The following CAMSAP1 variants were observed in gnomAD, a reference collection of about 807,000 sequenced individuals.
The protein encoded by CAMSAP1 is calmodulin regulated spectrin associated protein 1.
Under a neutral mutation model 143.5 loss-of-function variants are expected in CAMSAP1, and 58 were observed. The observed-to-expected ratio is 0.40, with a 90% CI of 0.33 to 0.50. The LOEUF is 0.50. Ranked by LOEUF, CAMSAP1 falls within the 20% of genes least tolerant of loss-of-function variation. CAMSAP1 has a pLI of 0.45. For missense variants in CAMSAP1, 1,969 were observed against 2,115.7 expected (o/e 0.93, Z 1.36); for synonymous variants, 945 against 859.3 (o/e 1.10, Z -1.74).
At chr9:135,902,367 A>G (rs1263644559) in intron 1 of CAMSAP1, among the ~76,000 whole-genome samples, 1 of 152,236 alleles carries the variant, frequency 6.6e-6, no homozygotes, top group Non-Finnish European at 1.5e-5. Context: ...CTTCACACCA[A>G]GACTCCAACC....
At chr9:135,856,231 G>C (rs1836965209) in intron 5 of CAMSAP1, among the ~76,000 whole-genome samples, 1 of 152,142 alleles carries the variant, frequency 6.6e-6, no homozygotes, top group African/African-American at 2.4e-5. Context: ...CACATGGCTG[G>C]GGAGGCCTCA....
chr9:135,829,321 GCAAGACCT>G (rs1835776174), intron 7 of CAMSAP1, among the ~76,000 whole-genome samples: 1 of 150,384 alleles, frequency 6.6e-6, no homozygotes, highest in African/African-American at 2.5e-5. Flanking sequence ...GGGCAACACA[GCAAGACCT>G]CATCTCTACT....
chr9:135,844,513 T>C (rs1588466870), intron 7 of CAMSAP1, among the ~76,000 whole-genome samples: 2 of 152,128 alleles, frequency 1.3e-5, no homozygotes, highest in African/African-American at 4.8e-5. Flanking sequence ...AGATCTGAAA[T>C]TGATGCTCAA....
chr9:135,900,170 C>T (rs61537560), intron 1 of CAMSAP1, among the ~76,000 whole-genome samples: 2,969 of 152,076 alleles, frequency 0.02, 89 homozygotes, highest in African/African-American at 0.068. Context: ...GGACAACAGG[C>T]GTGCACCACC....
At chr9:135,853,969 G>A (rs146657923) in intron 5 of CAMSAP1, among the ~76,000 whole-genome samples, 109 of 152,332 alleles carry the variant, frequency 7.2e-4, no homozygotes, top group Middle Eastern at 3.4e-3. Flanking sequence ...TTCAATTTGC[G>A]CTAATATTTT....
In CAMSAP1 at chr9:135,813,665, G is replaced by A. The variant is rs143132656; in HGVS notation, c.4506+1432C>T. On this transcript the variant is annotated intron_variant, in intron 16 of 16. Transcript: ENST00000389532. ...AGGCCTGCCTGCTGGGCGGCCCTTG[G>A]TGGGCACCTGGGAACTTGCTATCTG... 7.2e-3 allele frequency among the ~76,000 whole-genome samples: 1,092 copies of A among 152,312 alleles called. 8 individuals are homozygous for A. Among genetic ancestry groups the A allele is most frequent in the South Asian group, 0.011 (51 of 4,830 alleles).
At position 135,886,431 on chromosome 9, in the gene CAMSAP1, A is replaced by G. The variant is rs188859254; in HGVS notation, c.161-3353T>C. On this transcript the variant is annotated intron_variant, in intron 1 of 16. Coordinates refer to ENST00000389532, the MANE Select transcript of CAMSAP1 (RefSeq NM_015447.4). ...AAGTTTCTTAGGGAAGGAAGCAGCC[A>G]GTAGGGGGGTGGGTAGGAGCGAGAG... Among the ~76,000 whole-genome samples, 88 of 152,274 alleles carry G rather than the reference A, an allele frequency of 5.8e-4. 2 individuals carry two copies. The East Asian group carries it at 0.013, about 22-fold the overall frequency.
intron 5 of CAMSAP1, among the ~76,000 whole-genome samples, chr9:135,856,365 G>A (rs957793739): frequency 6.6e-6 from 1 of 152,090 alleles, no homozygotes; most frequent in Non-Finnish European, 1.5e-5. Flanking sequence ...TCACTACCAC[G>A]AGAACAGTAT....
rs2131045955 is a variant in CAMSAP1, at chr9:135,907,199, A to G, written c.-40T>C. 5 of 1,044,362 alleles carry G rather than the reference A, an allele frequency of 4.8e-6. No individual in the cohort carries two copies. The South Asian group carries it at 2.2e-4, about 47-fold the overall frequency. The allele number at this position is 1,044,362 out of a possible 1,614,324, so 64.7% of individuals were successfully genotyped here. Reference sequence around the variant, plus strand: ...CTGAGGCGGCGGCCCGGCCGCAACAAAGGCGCCGCCGCCCCTCGCCGCGCC... The same window carrying G: ...CTGAGGCGGCGGCCCGGCCGCAACAGAGGCGCCGCCGCCCCTCGCCGCGCC... On this transcript the variant is annotated 5_prime_UTR_variant, in exon 1 of 17. Transcript: ENST00000389532.
At chr9:135,839,125 G>A (rs967274407) in intron 7 of CAMSAP1, among the ~76,000 whole-genome samples, 19 of 152,254 alleles carry the variant, frequency 1.2e-4, no homozygotes, top group Middle Eastern at 3.4e-3. Context: ...GGCGCCCTTC[G>A]GTTCTGCTCC....
rs1184283236 is a variant in CAMSAP1, at chr9:135,809,536, G to C, written c.*1773C>G. ...ATAAAGCAAGGAGTTGGTGTCGCCT[G>C]GTCAGCGAAATGAGCCACAGCAACC... On this transcript the variant is annotated 3_prime_UTR_variant, in exon 17 of 17. Transcript: ENST00000389532. The C allele has an allele frequency of 6.6e-6, 1 of 152,494 alleles. No individual in the cohort carries two copies. Among genetic ancestry groups the C allele is most frequent in the Non-Finnish European group, 1.5e-5 (1 of 68,032 alleles). 9.4% of individuals were successfully genotyped at this position (152,494 alleles called of 1,614,324 possible). A position where few individuals can be genotyped will look rare whatever the true frequency, so the allele number is the denominator to read the frequency against.
chr9:135,823,388 A>G, intron 10 of CAMSAP1, 128 bp from the exon 11 acceptor site: 1 of 1,027,516 alleles, frequency 9.7e-7, no homozygotes, highest in Non-Finnish European at 1.3e-6. Flanking sequence ...ATTTAAACTC[A>G]CTCTTCCACA....
rs537055786 is a variant in CAMSAP1, at chr9:135,870,192, A to T, written c.586-3656T>A. The stretch of plus-strand genomic sequence containing the variant: ...ATAATTCCCACATGTTGAGGGAGGG[A>T]CGAGGTGGGAGGTGACTGGATCATG... On this transcript the variant is annotated intron_variant, in intron 3 of 16. Coordinates refer to ENST00000389532, the MANE Select transcript of CAMSAP1 (RefSeq NM_015447.4). 3.9e-5 allele frequency among the ~76,000 whole-genome samples: 6 copies of T among 152,236 alleles called. No homozygotes were observed. The South Asian group carries it at 8.3e-4, about 21-fold the overall frequency.
intron 7 of CAMSAP1, chr9:135,836,891 T>C: frequency 3.1e-6 from 3 of 981,418 alleles, no homozygotes; most frequent in Non-Finnish European, 3.6e-6. Context: ...TCACCACACT[T>C]GCTACCCATT....
At chr9:135,850,041 T>C in intron 7 of CAMSAP1, 96 bp downstream of exon 7, 1 of 995,816 alleles carries the variant, frequency 1.0e-6, no homozygotes, top group East Asian at 2.6e-5. Flanking sequence ...CCAAGAACTC[T>C]GCTGTGCGAG....
Position 135,815,336 on chromosome 9 carries a change from T to A in CAMSAP1, c.4388-121A>T, listed in dbSNP as rs1211933455. 5 of 522,718 alleles carry A rather than the reference T, an allele frequency of 9.6e-6. No individual in the cohort carries two copies. In the East Asian group the frequency reaches 1.6e-4, roughly 17 times the overall value. 32.4% of individuals were successfully genotyped at this position (522,718 alleles called of 1,614,324 possible). On this transcript the variant is annotated intron_variant, in intron 15 of 16. Transcript: ENST00000389532. ...TAGGCTGAATTACAGATATTTATGA[T>A]TATTTAAAAATGGGAAGTAAAAACC...
At chr9:135,873,329 C>G (rs954932309) in intron 3 of CAMSAP1, among the ~76,000 whole-genome samples, 2 of 152,102 alleles carry the variant, frequency 1.3e-5, no homozygotes, top group Non-Finnish European at 2.9e-5. Context: ...TGAAGTGCCG[C>G]TTAGAGAGGA....
intron 5 of CAMSAP1, among the ~76,000 whole-genome samples, chr9:135,857,199 A>G (rs1837009594): frequency 6.6e-6 from 1 of 152,074 alleles, no homozygotes; most frequent in South Asian, 2.1e-4. Context: ...TCCTTGGGAC[A>G]TTTTTCTACA....
At chr9:135,899,592 C>T (rs1352718765) in intron 1 of CAMSAP1, among the ~76,000 whole-genome samples, 1 of 152,216 alleles carries the variant, frequency 6.6e-6, no homozygotes, top group East Asian at 1.9e-4. Context: ...CCCCAATCTA[C>T]GAATCAGCCA....
Sources: allele counts gnomAD v4.1 joint callset (sites outside exome capture counted in the v4.1 genomes callset), GRCh38; gene constraint gnomAD v4.1.1; transcripts MANE v1.5; gene names NCBI Gene and HGNC (gene_info 2026-07-23, HGNC 2026-07-21).